Variants in KRTAP16-1 observed in about 807,000 individuals in gnomAD.
The protein encoded by KRTAP16-1 is keratin associated protein 16-1, also known as keratin-associated protein 16-1.
For synonymous variants in KRTAP16-1, 262 were observed against 248.0 expected (o/e 1.06, Z -0.53); for missense variants, 675 against 657.7 (o/e 1.03, Z -0.29).
Position 41,309,176 on chromosome 17 carries a change from T to G in KRTAP16-1, c.78A>C (p.Gly26=), listed in dbSNP as rs777046575. 1 of 1,550,560 alleles carries G rather than the reference T, an allele frequency of 6.4e-7. No homozygotes were observed. Among genetic ancestry groups the G allele is most frequent in the South Asian group, 1.2e-5 (1 of 84,066 alleles). ...AGGAACTGGGCAGGCAGATGGGGCC[T>G]CCACAGCTCACCTCAGTGGAGCAGA... ...TSLCSTEVSC[G]GPICLPSSCQ... Residue 26 remains glycine (G), a synonymous_variant, in exon 1 of 1, where the codon GGA becomes GGC. Coordinates refer to ENST00000391352, the MANE Select transcript of KRTAP16-1 (RefSeq NM_001146182.2).
Position 41,308,562 on chromosome 17 carries a change from G to C in KRTAP16-1, c.692C>G (p.Pro231Arg), listed in dbSNP as rs761838292. Residue 231 changes from proline to arginine, a missense_variant, in exon 1 of 1, where the codon CCG becomes CGG. Pro to Arg is a moderately radical substitution (Grantham distance 103). Transcript: ENST00000391352. ...PVVCEPSCCQ[P>R]VCPTPTCSVT... ...AGAGCAGGTAGGTGTCGGGCACACC[G>C]GCTGACAGCAGGAAGGCTCACAGAC... The C allele has an allele frequency of 5.8e-6, 9 of 1,550,758 alleles. No homozygotes were observed. Among genetic ancestry groups the C allele is most frequent in the Non-Finnish European group, 6.1e-6 (7 of 1,146,934 alleles).
chr17:41,307,928 G>C lies in KRTAP16-1; in HGVS notation c.1326C>G (p.Tyr442Ter). ...GGCGGAAGTAGACTGGGCGGCAAGA[G>C]TAGGAAGTGACACAGGCTGGGCGGC... is the stretch of plus-strand genomic sequence containing the variant. Reference protein sequence around the residue: ...ILRRPACVTSYSCRPVYFRPS... With the variant: ...ILRRPACVTS Residue 442 changes from tyrosine (Y) to a stop codon, truncating the protein, a stop_gained, in exon 1 of 1, where the codon TAC (tyrosine) becomes TAG (stop). Coordinates refer to ENST00000391352, the MANE Select transcript of KRTAP16-1 (RefSeq NM_001146182.2). LOFTEE classifies it low-confidence loss of function (END_TRUNC). 1 of 1,550,752 alleles carries C rather than the reference G, an allele frequency of 6.4e-7. No individual in the cohort carries two copies. Among genetic ancestry groups the C allele is most frequent in the Non-Finnish European group, 8.7e-7 (1 of 1,147,024 alleles).
At position 41,308,722 on chromosome 17, in the gene KRTAP16-1, AAG is replaced by A; in HGVS notation, c.530_531del (p.Thr177IlefsTer28). The A allele has an allele frequency of 6.4e-7, 1 of 1,550,678 alleles. No homozygotes were observed. Among genetic ancestry groups the A allele is most frequent in the Non-Finnish European group, 8.7e-7 (1 of 1,146,998 alleles). ...SCCQPVGSEA[T>X]SCQPVLCVPT... ...GGCACACAGAGGACTGGTTGGCAGG[AAG>A]TGGCTTCAGAGCCTACAGGCTGGCA... On this transcript the variant is annotated frameshift_variant, in exon 1 of 1. Transcript: ENST00000391352. LOFTEE classifies it low-confidence loss of function (END_TRUNC).
At position 41,307,862 on chromosome 17, in the gene KRTAP16-1, T is replaced by G. The variant is rs2016923999; in HGVS notation, c.1392A>C (p.Lys464Asn). The change falls in exon 1 of 1, where the codon AAA (lysine) becomes AAC (asparagine). Residue 464 changes from lysine (K) to asparagine (N), a missense_variant. Transcript: ENST00000391352. The stretch of plus-strand genomic sequence containing the variant: ...AATCCAGTTGGCTGGAAGTGGATTT[T>G]TTGCAATCCCGTTTGCAAGAGTCAG... ...TESDSCKRDC[K>N]KSTSSQLDCV... is the part of the protein sequence containing the mutation. The G allele has an allele frequency of 2.6e-6, 4 of 1,550,742 alleles. No homozygotes were observed. In the East Asian group the frequency reaches 9.8e-5, roughly 38 times the overall value.
Position 41,309,231 on chromosome 17 carries a change from C to G in KRTAP16-1, c.23G>C (p.Arg8Thr). 2.0e-6 allele frequency: 3 copies of G among 1,534,924 alleles called. No individual in the cohort carries two copies. The South Asian group carries it at 3.6e-5, about 19-fold the overall frequency. The change falls in exon 1 of 1, where the codon AGG (arginine) becomes ACG (threonine). Residue 8 changes from arginine to threonine, a missense_variant. Transcript: ENST00000391352. ...GGTGGCTGGCACGGAGAAGCATTTCCTAGAAGAGCAACTGCCAGACATGGT... is the reference window on the plus strand; with the variant it reads ...GGTGGCTGGCACGGAGAAGCATTTCGTAGAAGAGCAACTGCCAGACATGGT... MSGSCSS[R>T]KCFSVPATSL... is the part of the protein sequence containing the mutation.
Position 41,309,061 on chromosome 17 carries a change from C to T in KRTAP16-1, c.193G>A (p.Val65Met), listed in dbSNP as rs2016949547. Residue 65 changes from valine (V) to methionine (M), a missense_variant, in exon 1 of 1, where the codon GTG (valine) becomes ATG (methionine). Physicochemically the swap from Val to Met is conservative, Grantham distance 21. Transcript: ENST00000391352. ...GPQCRQPSCPVSSCAQPLCCD... is the reference protein window; with the variant it reads ...GPQCRQPSCPMSSCAQPLCCD... The stretch of plus-strand genomic sequence containing the variant: ...CACAGGGGTTGGGCACAGCTACTCA[C>T]AGGACAGGAGGGCTGACGGCACTGT... 2.6e-6 allele frequency: 4 copies of T among 1,550,562 alleles called. No homozygotes were observed. Among genetic ancestry groups the T allele is most frequent in the Non-Finnish European group, 3.5e-6 (4 of 1,147,004 alleles).
rs1016456269 is a variant in KRTAP16-1 at position 41,307,753 on chromosome 17, T to C, written c.1501A>G (p.Thr501Ala). ...GGCTGAGCTGCTGCGGCCTCACGGGTGGTTGGGCTGATGGGTTTGGCTTCA... is the reference window on the plus strand; with the variant it reads ...GGCTGAGCTGCTGCGGCCTCACGGGCGGTTGGGCTGATGGGTTTGGCTTCA... ...PTEAKPISPTTREAAAAQPAA... is the reference protein window; with the variant it reads ...PTEAKPISPTAREAAAAQPAA... The change falls in exon 1 of 1, where the codon ACC becomes GCC. Residue 501 changes from threonine (T) to alanine (A), a missense_variant. Coordinates refer to ENST00000391352, the MANE Select transcript of KRTAP16-1 (RefSeq NM_001146182.2). The C allele has an allele frequency of 6.5e-7, 1 of 1,547,230 alleles. No homozygotes were observed. The highest frequency in any genetic ancestry group is 8.7e-7 in the Non-Finnish European group (1 of 1,145,136).
chr17:41,308,317 A>T lies in KRTAP16-1; in HGVS notation c.937T>A (p.Cys313Ser). 1.3e-6 allele frequency: 2 copies of T among 1,550,740 alleles called. No homozygotes were observed. The highest frequency in any genetic ancestry group is 1.7e-6 in the Non-Finnish European group (2 of 1,147,006). Residue 313 changes from cysteine (C) to serine (S), a missense_variant, in exon 1 of 1, where the codon TGC (cysteine) becomes AGC (serine). Coordinates refer to ENST00000391352, the MANE Select transcript of KRTAP16-1 (RefSeq NM_001146182.2). ...GGTGAGCAGGGGCTGGGCTCAGAGC[A>T]GATGGGTTGGCAGATACTGGAGACA... is the stretch of plus-strand genomic sequence containing the variant. ...CCVSSICQPICSEPSPCSPAV... is the reference protein window; with the variant it reads ...CCVSSICQPISSEPSPCSPAV...
Position 41,309,041 on chromosome 17 carries a change from G to A in KRTAP16-1, c.213C>T (p.Pro71=), listed in dbSNP as rs2016949386. The change falls in exon 1 of 1, where the codon CCC becomes CCT. Residue 71 remains proline, a synonymous_variant. Transcript: ENST00000391352. The part of the protein sequence containing the change: ...PSCPVSSCAQ[P]LCCDPVICEP... Reference sequence around the variant, plus strand: ...CACAAATGACAGGATCACAGCACAGGGGTTGGGCACAGCTACTCACAGGAC... The same window carrying A: ...CACAAATGACAGGATCACAGCACAGAGGTTGGGCACAGCTACTCACAGGAC... 5.8e-6 allele frequency: 9 copies of A among 1,550,556 alleles called. No individual in the cohort carries two copies. The highest frequency in any genetic ancestry group is 3.9e-5 in the Admixed American group (2 of 50,992).
chr17:41,307,891 CAG>C lies in KRTAP16-1; in HGVS notation c.1361_1362del (p.Thr454ArgfsTer3). ...CRPVYFRPSCTESDSCKRDCK... is the reference protein window; with the variant it reads ...CRPVYFRPSCXESDSCKRDCK... ...CAATCCCGTTTGCAAGAGTCAGACT[CAG>C]TGCAAGATGGGCGGAAGTAGACTGG... On this transcript the variant is annotated frameshift_variant, in exon 1 of 1. Transcript: ENST00000391352. LOFTEE classifies it low-confidence loss of function (END_TRUNC). 1 of 1,550,668 alleles carries C rather than the reference CAG, an allele frequency of 6.4e-7. No individual in the cohort carries two copies. Among genetic ancestry groups the C allele is most frequent in the East Asian group, 2.4e-5 (1 of 40,906 alleles).
rs1053368190 is a variant in KRTAP16-1, at chr17:41,308,909, C to T, written c.345G>A (p.Glu115=). ...VSNCYQPVCF[E]ATICEPSCSV... Reference sequence around the variant, plus strand: ...AGCAAGAAGGCTCACAGATGGTGGCCTCGAAGCACACAGGTTGGTAGCAGT... The same window carrying T: ...AGCAAGAAGGCTCACAGATGGTGGCTTCGAAGCACACAGGTTGGTAGCAGT... Residue 115 remains glutamate (E), a synonymous_variant, in exon 1 of 1, where the codon GAG becomes GAA. Transcript: ENST00000391352. 1 of 1,550,276 alleles carries T rather than the reference C, an allele frequency of 6.5e-7. No individual in the cohort carries two copies. The highest frequency in any genetic ancestry group is 8.7e-7 in the Non-Finnish European group (1 of 1,146,864).
In KRTAP16-1 at chr17:41,309,005, G is replaced by A; in HGVS notation, c.249C>T (p.Cys83=). 1.3e-6 allele frequency: 2 copies of A among 1,550,630 alleles called. No individual in the cohort carries two copies. Among genetic ancestry groups the A allele is most frequent in the Non-Finnish European group, 1.7e-6 (2 of 1,147,008 alleles). Residue 83 remains cysteine (C), a synonymous_variant, in exon 1 of 1, where the codon TGC becomes TGT. Transcript: ENST00000391352. ...CGGGTTGGCAGCCGCTGCTCACGGA[G>A]CAAGAAGGCTCACAAATGACAGGAT... ...CCDPVICEPS[C]SVSSGCQPVC...
Position 41,308,278 on chromosome 17 carries a change from A to T in KRTAP16-1, c.976T>A (p.Ser326Thr), listed in dbSNP as rs1418154494. ...PSPCSPAVCV[S>T]SPCQPTCYVV... is the part of the protein sequence containing the mutation. ...TAGCAAGTAGGTTGGCATGGACTGG[A>T]CACACAGACAGCTGGTGAGCAGGGG... The change falls in exon 1 of 1, where the codon TCC becomes ACC. Residue 326 changes from serine to threonine, a missense_variant. By Grantham distance (58) the Ser-to-Thr change is moderately conservative (BLOSUM62 1). Coordinates refer to ENST00000391352, the MANE Select transcript of KRTAP16-1 (RefSeq NM_001146182.2). 7 of 1,550,660 alleles carry T rather than the reference A, an allele frequency of 4.5e-6. No individual in the cohort carries two copies. Among genetic ancestry groups the T allele is most frequent in the Non-Finnish European group, 6.1e-6 (7 of 1,146,994 alleles).
At position 41,308,043 on chromosome 17, in the gene KRTAP16-1, A is replaced by G; in HGVS notation, c.1211T>C (p.Ile404Thr). 1.3e-6 allele frequency: 2 copies of G among 1,550,662 alleles called. 1 individual carries two copies. The highest frequency in any genetic ancestry group is 3.3e-4 in the Middle Eastern group (2 of 5,992). The change falls in exon 1 of 1, where the codon ATC becomes ACC. Residue 404 changes from isoleucine (I) to threonine (T), a missense_variant. Coordinates refer to ENST00000391352, the MANE Select transcript of KRTAP16-1 (RefSeq NM_001146182.2). ...RPVSRPICRP[I>T]CSGLLTYRQP... is the part of the protein sequence containing the mutation. ...CCTATAGGTGAGGAGTCCAGAGCAG[A>G]TTGGGCGGCAGATCGGACGGGAGAC...
At position 41,307,954 on chromosome 17, in the gene KRTAP16-1, G is replaced by A. The variant is rs750432752; in HGVS notation, c.1300C>T (p.Arg434Cys). The part of the protein sequence containing the change: ...ACYRPCYSIL[R>C]RPACVTSYSC... ...TAGGAAGTGACACAGGCTGGGCGGC[G>A]CAGGATGGAGTAGCATGGGCGATAG... is the stretch of plus-strand genomic sequence containing the variant. Residue 434 changes from arginine (R) to cysteine (C), a missense_variant, in exon 1 of 1, where the codon CGC becomes TGC. Coordinates refer to ENST00000391352, the MANE Select transcript of KRTAP16-1 (RefSeq NM_001146182.2). The A allele has an allele frequency of 3.7e-5, 58 of 1,550,528 alleles. No individual in the cohort carries two copies. The highest frequency in any genetic ancestry group is 3.3e-4 in the Middle Eastern group (2 of 6,012).
chr17:41,308,097 G>A lies in KRTAP16-1; in HGVS notation c.1157C>T (p.Pro386Leu), dbSNP rs1373181654. Residue 386 changes from proline to leucine, a missense_variant, in exon 1 of 1, where the codon CCT (proline) becomes CTT (leucine). Coordinates refer to ENST00000391352, the MANE Select transcript of KRTAP16-1 (RefSeq NM_001146182.2). Reference sequence around the variant, plus strand: ...GCGGTAGGAAATCGTAGCACTGCAAGGCCGTTTGCTGGAACTGGGTATGTA... The same window carrying A: ...GCGGTAGGAAATCGTAGCACTGCAAAGCCGTTTGCTGGAACTGGGTATGTA... ...TFYIPSSSKR[P>L]CSATISYRPV... 3 of 1,550,644 alleles carry A rather than the reference G, an allele frequency of 1.9e-6. No individual in the cohort carries two copies. The highest frequency in any genetic ancestry group is 2.6e-6 in the Non-Finnish European group (3 of 1,147,010).
At position 41,309,160 on chromosome 17, in the gene KRTAP16-1, G is replaced by T; in HGVS notation, c.94C>A (p.Pro32Thr). The change falls in exon 1 of 1, where the codon CCC becomes ACC. Residue 32 changes from proline (P) to threonine (T), a missense_variant. Transcript: ENST00000391352. The part of the protein sequence containing the change: ...EVSCGGPICL[P>T]SSCQSQTWQL... ...CATGTCTGGCTCTGGCAGGAACTGG[G>T]CAGGCAGATGGGGCCTCCACAGCTC... is the stretch of plus-strand genomic sequence containing the variant. The T allele has an allele frequency of 6.4e-7, 1 of 1,550,646 alleles. No individual in the cohort carries two copies. The highest frequency in any genetic ancestry group is 8.7e-7 in the Non-Finnish European group (1 of 1,146,994).
rs767195690 is a variant in KRTAP16-1, at chr17:41,307,951, G to T, written c.1303C>A (p.Arg435Ser). The T allele has an allele frequency of 1.9e-6, 3 of 1,550,620 alleles. No homozygotes were observed. The highest frequency in any genetic ancestry group is 1.2e-5 in the South Asian group (1 of 84,066). ...CYRPCYSILR[R>S]PACVTSYSCR... Reference sequence around the variant, plus strand: ...GAGTAGGAAGTGACACAGGCTGGGCGGCGCAGGATGGAGTAGCATGGGCGA... The same window carrying T: ...GAGTAGGAAGTGACACAGGCTGGGCTGCGCAGGATGGAGTAGCATGGGCGA... Residue 435 changes from arginine to serine, a missense_variant, in exon 1 of 1, where the codon CGC (arginine) becomes AGC (serine). Physicochemically the swap from Arg to Ser is moderately radical, Grantham distance 110. Transcript: ENST00000391352.
rs1303929265 is a variant in KRTAP16-1, at chr17:41,308,893, G to T, written c.361C>A (p.Pro121Thr). Residue 121 changes from proline (P) to threonine (T), a missense_variant, in exon 1 of 1, where the codon CCT becomes ACT. By Grantham distance (38) the Pro-to-Thr change is conservative. Coordinates refer to ENST00000391352, the MANE Select transcript of KRTAP16-1 (RefSeq NM_001146182.2). ...PVCFEATICE[P>T]SCSVSNCCQP... Reference sequence around the variant, plus strand: ...CAGCAGTTGCTCACTGAGCAAGAAGGCTCACAGATGGTGGCCTCGAAGCAC... The same window carrying T: ...CAGCAGTTGCTCACTGAGCAAGAAGTCTCACAGATGGTGGCCTCGAAGCAC... 4 of 1,549,008 alleles carry T rather than the reference G, an allele frequency of 2.6e-6. No individual in the cohort carries two copies. The African/African-American group carries it at 4.1e-5, about 16-fold the overall frequency.
Sources: allele counts gnomAD v4.1 joint callset, GRCh38; gene constraint gnomAD v4.1.1; transcripts MANE v1.5; gene names NCBI Gene and HGNC (gene_info 2026-07-23, HGNC 2026-07-21).